Variants in LRRK1 observed in about 807,000 individuals in gnomAD.
LRRK1 encodes leucine-rich repeat serine/threonine-protein kinase 1.
LRRK1 carries 113 observed loss-of-function variants against 209.1 expected under a neutral mutation model. The observed-to-expected ratio is 0.54, with a 90% CI of 0.46 to 0.63. The LOEUF (loss-of-function observed/expected upper bound fraction) is 0.63, where lower values mean the gene tolerates loss of function less well. Ranked by LOEUF, LRRK1 falls within the 30% of genes least tolerant of loss-of-function variation. The pLI, the probability that LRRK1 is intolerant of heterozygous loss-of-function variation, is 0.00. For synonymous variants in LRRK1, 1,144 were observed against 1,099.7 expected (o/e 1.04, Z -0.80); for missense variants, 2,284 against 2,632.2 (o/e 0.87, Z 2.89).
chr15:100,945,904 T>C (rs1006869928), intron 2 of LRRK1, among the ~76,000 whole-genome samples: 1 of 152,162 alleles, frequency 6.6e-6, no homozygotes, highest in Non-Finnish European at 1.5e-5. Context: ...AATTAGATGC[T>C]CTATCAAGAT....
chr15:100,998,040 G>A (rs776716038), intron 6 of LRRK1, among the ~76,000 whole-genome samples: 1 of 152,064 alleles, frequency 6.6e-6, no homozygotes, highest in Admixed American at 6.6e-5. Flanking sequence ...ACATGAGTTG[G>A]GTGTGGTGGT....
At chr15:100,978,976 G>T (rs1291260420) in intron 3 of LRRK1, among the ~76,000 whole-genome samples, 1 of 152,092 alleles carries the variant, frequency 6.6e-6, no homozygotes, top group Non-Finnish European at 1.5e-5. Context: ...TATGAATGTG[G>T]ATGCAAAAAT....
chr15:101,068,463 C>T (rs575741491), intron 33 of LRRK1, among the ~76,000 whole-genome samples: 6 of 152,262 alleles, frequency 3.9e-5, no homozygotes, highest in South Asian at 4.1e-4. Context: ...GCCCACAGCC[C>T]GTCTTTGGAC....
rs149431263 is a variant in LRRK1 at position 100,960,485 on chromosome 15, A to T, written c.98-13319A>T. 6.6e-5 allele frequency among the ~76,000 whole-genome samples: 10 copies of T among 152,256 alleles called. No individual in the cohort carries two copies. The East Asian group carries it at 1.7e-3, about 26-fold the overall frequency. On this transcript the variant is annotated intron_variant, in intron 2 of 33. Coordinates refer to ENST00000388948, the MANE Select transcript of LRRK1 (RefSeq NM_024652.6). The stretch of plus-strand genomic sequence containing the variant: ...ACCATTTTCTATAGTATTACTGAGT[A>T]TTAAATAAATGAACTGTCCTATTTA...
chr15:101,045,268 T>C (rs1422043684), intron 20 of LRRK1, among the ~76,000 whole-genome samples: 1 of 152,224 alleles, frequency 6.6e-6, no homozygotes, highest in African/African-American at 2.4e-5. Flanking sequence ...GAGTGCAGCA[T>C]CTGCACACCA....
chr15:100,988,607 T>G (rs777340916), intron 4 of LRRK1, 27 bp from the exon 5 acceptor site: 1 of 1,612,844 alleles, frequency 6.2e-7, no homozygotes, highest in South Asian at 1.1e-5. Flanking sequence ...AGTGGCACTT[T>G]CCCTTTGTCC....
chr15:100,947,898 G>A (rs146342915), intron 2 of LRRK1, among the ~76,000 whole-genome samples: 18 of 152,314 alleles, frequency 1.2e-4, no homozygotes, highest in African/African-American at 4.1e-4. Context: ...CCAGGGAAAC[G>A]TGAGCTGCTC....
chr15:101,025,000 A>G lies in LRRK1; in HGVS notation c.2232+33A>G, dbSNP rs78116514. 6.4e-5 allele frequency: 103 copies of G among 1,602,250 alleles called. No individual in the cohort carries two copies. The East Asian group carries it at 2.3e-3, about 35-fold the overall frequency. ...CACCAGACGCCAGCCCTGCCATTTC[A>G]GTGCCCAGAGCTTTGCAGGTCCCAC... On this transcript the variant is annotated intron_variant, in intron 16 of 33. Transcript: ENST00000388948. This position sits in a 1 kb window ranked among gnomAD's most constrained non-coding sequence, Gnocchi z 4.6.
At chr15:100,949,365 G>A (rs1226185201) in intron 2 of LRRK1, among the ~76,000 whole-genome samples, 1 of 152,220 alleles carries the variant, frequency 6.6e-6, no homozygotes, top group East Asian at 1.9e-4. Flanking sequence ...CAAGTAGAGA[G>A]ACTGAATTAG....
intron 20 of LRRK1, among the ~76,000 whole-genome samples, chr15:101,039,045 G>A (rs2034621100): frequency 6.6e-6 from 1 of 152,044 alleles, no homozygotes; most frequent in Non-Finnish European, 1.5e-5. Context: ...TCATTATTCA[G>A]CATATGACAC....
intron 2 of LRRK1, among the ~76,000 whole-genome samples, chr15:100,966,946 T>A (rs2030501276): frequency 6.6e-6 from 1 of 152,218 alleles, no homozygotes; most frequent in African/African-American, 2.4e-5. Context: ...GCTTAAAGGT[T>A]TAGCTGTTTG....
Position 101,024,873 on chromosome 15 carries a change from T to G in LRRK1, c.2138T>G (p.Phe713Cys), listed in dbSNP as rs1259266503. 1 of 1,614,166 alleles carries G rather than the reference T, an allele frequency of 6.2e-7. No homozygotes were observed. Among genetic ancestry groups the G allele is most frequent in the East Asian group, 2.2e-5 (1 of 44,888 alleles). Reference sequence around the variant, plus strand: ...AGCATGGCCACTGTCAACCAGTGCTTCTTCACGGACAAGGCCCTGTACGTG... The same window carrying G: ...AGCATGGCCACTGTCAACCAGTGCTGCTTCACGGACAAGGCCCTGTACGTG... ...PASMATVNQC[F>C]FTDKALYVVV... is the part of the protein sequence containing the mutation. The change falls in exon 16 of 34, where the codon TTC becomes TGC. Residue 713 changes from phenylalanine to cysteine, a missense_variant. Around this residue, in one of 6 missense-constraint regions of LRRK1, gnomAD observed 780 missense variants for 985.2 expected, o/e 0.79. Transcript: ENST00000388948. The surrounding 1 kb of genome is among the most constrained non-coding windows in gnomAD (Gnocchi z 4.6).
At position 100,919,589 on chromosome 15, in the gene LRRK1, C is replaced by T. The variant is rs1368415392; in HGVS notation, c.-123+138C>T. 1 of 148,714 alleles carries T rather than the reference C, an allele frequency of 6.7e-6. No homozygotes were observed. Among genetic ancestry groups the T allele is most frequent in the Non-Finnish European group, 1.5e-5 (1 of 66,756 alleles). The allele number at this position is 148,714 out of a possible 1,614,324, so 9.2% of individuals were successfully genotyped here. On this transcript the variant is annotated intron_variant, in intron 1 of 33. Coordinates refer to ENST00000388948, the MANE Select transcript of LRRK1 (RefSeq NM_024652.6). This position sits in a 1 kb window ranked among gnomAD's most constrained non-coding sequence, Gnocchi z 5.8. ...CGCGGGCCCCTGCGCTCCGGGCGGC[C>T]GCGTGGTCGGGCACGGGGGGCCGTT...
intron 2 of LRRK1, among the ~76,000 whole-genome samples, chr15:100,930,397 C>A (rs927915097): frequency 6.6e-6 from 1 of 152,134 alleles, no homozygotes; most frequent in African/African-American, 2.4e-5. Context: ...GGGAGAGCTG[C>A]CCCTACCTGC....
chr15:100,974,479 T>C (rs2031177278), intron 3 of LRRK1, among the ~76,000 whole-genome samples: 1 of 152,192 alleles, frequency 6.6e-6, no homozygotes, highest in Non-Finnish European at 1.5e-5. Context: ...AGATTGCATA[T>C]ATGGTGATGC....
chr15:101,052,578 G>A (rs4965779), intron 24 of LRRK1, among the ~76,000 whole-genome samples: 40,495 of 151,994 alleles, frequency 0.27, 6,066 homozygotes, highest in Middle Eastern at 0.37. Flanking sequence ...AGAGAGAATC[G>A]GGGAGGAAAT....
At chr15:101,019,099 T>C (rs765051676) in intron 12 of LRRK1, among the ~76,000 whole-genome samples, 1 of 152,224 alleles carries the variant, frequency 6.6e-6, no homozygotes, top group Admixed American at 6.5e-5. Context: ...TACCTTGAAC[T>C]GTGTTCTCCC....
intron 2 of LRRK1, among the ~76,000 whole-genome samples, chr15:100,965,583 A>G (rs980282160): frequency 1.3e-5 from 2 of 152,184 alleles, no homozygotes; most frequent in Non-Finnish European, 2.9e-5. Flanking sequence ...ATGGCTGCAC[A>G]TGTGCTGACT....
intron 4 of LRRK1, among the ~76,000 whole-genome samples, chr15:100,984,361 T>C (rs1243638980): frequency 6.6e-6 from 1 of 152,228 alleles, no homozygotes; most frequent in African/African-American, 2.4e-5. Context: ...TCATTCTTGC[T>C]GTTGTATATC....
Sources: gnomAD v4.1 joint callset for allele counts (sites outside exome capture counted in the v4.1 genomes callset) on GRCh38, gnomAD v4.1.1 for gene constraint, gnomAD v4.1.1 regional missense constraint, Gnocchi (gnomAD v3.1) non-coding constraint, MANE v1.5 for transcripts, NCBI Gene and HGNC (gene_info 2026-07-23, HGNC 2026-07-21) for gene names.